The following PNPLA1 variants were observed in gnomAD, a reference collection of about 807,000 sequenced individuals.
The protein encoded by PNPLA1 is omega-hydroxyceramide transacylase.
A neutral mutation model predicts 51.7 loss-of-function variants in PNPLA1; 36 were observed. The observed-to-expected ratio is 0.70, with a 90% confidence interval of 0.53 to 0.92. The LOEUF is 0.92. PNPLA1 is among the 40% of genes least tolerant of loss of function. The pLI is 0.00. For synonymous variants in PNPLA1, 293 were observed against 280.1 expected, an observed-to-expected ratio of 1.05 and a Z score of -0.46; for missense variants, 658 against 682.5, an observed-to-expected ratio of 0.96 and a Z score of 0.40.
At position 36,302,404 on chromosome 6, in the gene PNPLA1, G is replaced by C; in HGVS notation, c.1319G>C (p.Arg440Pro). The C allele has an allele frequency of 6.3e-7, 1 of 1,582,930 alleles. No homozygotes were observed. The change falls in exon 6 of 9, where the codon CGA (arginine) becomes CCA (proline). Residue 440 changes from arginine (R) to proline (P), a missense_variant. Coordinates refer to ENST00000636260, the MANE Select transcript of PNPLA1 (RefSeq NM_001374623.1). Reference protein sequence around the residue: ...STVGAPQTLPRSSLSAFPAQP... With the variant: ...STVGAPQTLPPSSLSAFPAQP... ...GTGGGGGCACCTCAAACACTGCCCC[G>C]AAGTTCTCTTTCAGCCTTCCCTGCT...
rs989906159 is a variant in PNPLA1 at position 36,270,404 on chromosome 6, G to A, written c.-56G>A. 5 of 1,532,256 alleles carry A rather than the reference G, an allele frequency of 3.3e-6. No individual in the cohort carries two copies. The African/African-American group carries it at 6.9e-5, about 21-fold the overall frequency. The allele number at this position is 1,532,256 out of a possible 1,614,324, so 94.9% of individuals were successfully genotyped here. A position where few individuals can be genotyped will look rare whatever the true frequency, so the allele number is the denominator to read the frequency against. On this transcript the variant is annotated 5_prime_UTR_variant, in exon 1 of 9. Transcript: ENST00000636260. ...ACAGGGAGCGGCAGCCCAGGCTCGG[G>A]CAGGCAAGTGCTGAAGGGTGGCTCC...
chr6:36,310,412 GA>G (rs1771363039), intron 8 of PNPLA1, among the ~76,000 whole-genome samples: 1 of 152,162 alleles, frequency 6.6e-6, no homozygotes, highest in Non-Finnish European at 1.5e-5. Context: ...GAGAAATTGA[GA>G]GGCTGCCTAC....
At chr6:36,297,506 A>T (rs1770893594) in intron 5 of PNPLA1, among the ~76,000 whole-genome samples, 1 of 151,826 alleles carries the variant, frequency 6.6e-6, no homozygotes, top group Non-Finnish European at 1.5e-5. Context: ...AGGAAACTAC[A>T]CCCCAAAAGG....
At chr6:36,290,808 C>T (rs760687195) in intron 1 of PNPLA1, among the ~76,000 whole-genome samples, 13 of 152,180 alleles carry the variant, frequency 8.5e-5, no homozygotes, top group East Asian at 5.8e-4. Context: ...CATGATTCAC[C>T]GGCCCAAGGC....
At chr6:36,276,249 G>A (rs1257837971) in intron 1 of PNPLA1, among the ~76,000 whole-genome samples, 5 of 152,032 alleles carry the variant, frequency 3.3e-5, no homozygotes, top group Admixed American at 1.3e-4. Context: ...GTGAGCCACC[G>A]CACCCAGCTA....
chr6:36,270,687 C>T, intron 1 of PNPLA1, 23 bp downstream of exon 1: 2 of 1,548,624 alleles, frequency 1.3e-6, no homozygotes, highest in Non-Finnish European at 1.7e-6. Flanking sequence ...TTCTGGGTCC[C>T]CTGGGAAGTC....
At position 36,294,434 on chromosome 6, in the gene PNPLA1, G is replaced by A. The variant is rs1468293485; in HGVS notation, c.714+35G>A. On this transcript the variant is annotated intron_variant, in intron 4 of 8. Transcript: ENST00000636260. The surrounding 1 kb of genome is among the most constrained non-coding windows in gnomAD (Gnocchi z 4.2). ...AGGAGGGGTCTGGGGAGTAGCAGAA[G>A]GTACCAGGGACTAGGGGTGGGGTTA... 8 of 1,591,434 alleles carry A rather than the reference G, an allele frequency of 5.0e-6. No individual in the cohort carries two copies. The highest frequency in any genetic ancestry group is 1.7e-5 in the Admixed American group (1 of 59,676).
In PNPLA1 at chr6:36,301,989, G is replaced by A. The variant is rs146796609; in HGVS notation, c.904G>A (p.Ala302Thr). 3.0e-5 allele frequency: 49 copies of A among 1,614,176 alleles called. No individual in the cohort carries two copies. In the African/African-American group the frequency reaches 6.0e-4, roughly 20 times the overall value. ...TCAACCAAGCCTTCGAGCACGGCAG[G>A]CCAGTCTGGAAGGAGCCACACAACC... is the stretch of plus-strand genomic sequence containing the variant. ...RSQPSLRARQ[A>T]SLEGATQPHK... The change falls in exon 6 of 9, where the codon GCC (alanine) becomes ACC (threonine). Residue 302 changes from alanine (A) to threonine (T), a missense_variant. By Grantham distance (58) the Ala-to-Thr change is moderately conservative. Coordinates refer to ENST00000636260, the MANE Select transcript of PNPLA1 (RefSeq NM_001374623.1).
At chr6:36,259,866 A>G (rs924601327) in intron 1 of PNPLA1, among the ~76,000 whole-genome samples, 7 of 152,158 alleles carry the variant, frequency 4.6e-5, no homozygotes, top group Admixed American at 6.5e-5. Flanking sequence ...TTCAAAAACT[A>G]TTGAGTACTA....
At chr6:36,249,973 T>G (rs1243375054) in intron 1 of PNPLA1, among the ~76,000 whole-genome samples, 1 of 152,172 alleles carries the variant, frequency 6.6e-6, no homozygotes, top group Non-Finnish European at 1.5e-5. Flanking sequence ...TATATGCTAC[T>G]ACAAATAAAG....
At chr6:36,252,131 C>T (rs1769433469) in intron 1 of PNPLA1, among the ~76,000 whole-genome samples, 1 of 151,922 alleles carries the variant, frequency 6.6e-6, no homozygotes, top group Non-Finnish European at 1.5e-5. Context: ...TTCTCTCCTT[C>T]CTCCAGGCAG....
At chr6:36,270,811 T>C in intron 1 of PNPLA1, 147 bp downstream of exon 1, 1 of 969,666 alleles carries the variant, frequency 1.0e-6, no homozygotes, top group Admixed American at 2.3e-5. Flanking sequence ...TGGAGTAGGA[T>C]AGCGGCAGCT....
chr6:36,293,859 C>T (rs1202391149), intron 3 of PNPLA1, among the ~76,000 whole-genome samples: 1 of 152,140 alleles, frequency 6.6e-6, no homozygotes, highest in East Asian at 1.9e-4. Context: ...AGCAGAGGAG[C>T]ACGTCTCCTG....
intron 5 of PNPLA1, among the ~76,000 whole-genome samples, chr6:36,300,178 T>TGTGTGAGAGAGAGAGAGAGAGAGA: frequency 1.1e-3 from 110 of 98,120 alleles, no homozygotes; most frequent in East Asian, 4.7e-3. Context: ...TGTGTGTGTG[T>TGTGTGAGAGAGAGAGAGAGAGAGA]GAGAGAGAGA....
chr6:36,287,091 C>G (rs1266734418), intron 1 of PNPLA1, among the ~76,000 whole-genome samples: 1 of 152,228 alleles, frequency 6.6e-6, no homozygotes. Context: ...GTCTATCCAT[C>G]TATCTGGGAT....
intron 1 of PNPLA1, among the ~76,000 whole-genome samples, chr6:36,251,716 C>T (rs1004329523): frequency 3.9e-4 from 60 of 152,190 alleles, no homozygotes; most frequent in African/African-American, 1.4e-3. Flanking sequence ...GGTGGGAGGA[C>T]TGCTTGAGGC....
chr6:36,293,226 G>A, intron 3 of PNPLA1, 100 bp downstream of exon 3: 2 of 1,206,658 alleles, frequency 1.7e-6, no homozygotes, highest in South Asian at 1.3e-5. Context: ...TCAGAATGCA[G>A]CGGGAGGACC....
At chr6:36,246,874 T>C (rs1012135297) in intron 1 of PNPLA1, among the ~76,000 whole-genome samples, 3 of 152,208 alleles carry the variant, frequency 2.0e-5, no homozygotes, top group African/African-American at 4.8e-5. Flanking sequence ...TAAAATTACA[T>C]AGTACTCTTA....
chr6:36,273,507 GA>G (rs2127325790), intron 1 of PNPLA1, among the ~76,000 whole-genome samples: 1 of 151,882 alleles, frequency 6.6e-6, no homozygotes, highest in East Asian at 1.9e-4. Flanking sequence ...TCCTGCCTTG[GA>G]AACACCTGGT....
Sources: gnomAD v4.1 joint callset for allele counts (sites outside exome capture counted in the v4.1 genomes callset) on GRCh38, gnomAD v4.1.1 for gene constraint, Gnocchi (gnomAD v3.1) non-coding constraint, MANE v1.5 for transcripts, NCBI Gene and HGNC (gene_info 2026-07-23, HGNC 2026-07-21) for gene names.